Variants in SLC25A21 observed in about 807,000 individuals in gnomAD.
SLC25A21 encodes the protein solute carrier family 25 member 21.
A neutral mutation model predicts 43.8 loss-of-function variants in SLC25A21; 47 were observed. That is an observed-to-expected ratio of 1.07 (90% CI 0.85 to 1.37). The LOEUF (loss-of-function observed/expected upper bound fraction) is 1.37, where lower values mean the gene tolerates loss of function less well. Ranked by LOEUF, SLC25A21 falls within the 40% of genes most tolerant of loss-of-function variation. The pLI, the probability that SLC25A21 is intolerant of heterozygous loss-of-function variation, is 0.00. For synonymous variants in SLC25A21, 131 were observed against 121.3 expected (o/e 1.08, Z -0.52); for missense variants, 352 against 350.2 (o/e 1.00, Z -0.04).
chr14:36,782,332 T>C (rs56688011), intron 3 of SLC25A21, among the ~76,000 whole-genome samples: 63,546 of 151,996 alleles, frequency 0.42, 13,751 homozygotes, highest in East Asian at 0.7. Flanking sequence ...CTGCTTTCTC[T>C]ATCTTCTCCC....
chr14:36,852,549 C>T (rs919024062), intron 2 of SLC25A21, among the ~76,000 whole-genome samples: 1 of 151,922 alleles, frequency 6.6e-6, no homozygotes, highest in African/African-American at 2.4e-5. Context: ...ATTTCAAGGA[C>T]CAGAAAGTAA....
At chr14:36,953,542 A>G (rs1164030445) in intron 1 of SLC25A21, among the ~76,000 whole-genome samples, 1 of 152,256 alleles carries the variant, frequency 6.6e-6, no homozygotes, top group Non-Finnish European at 1.5e-5. Flanking sequence ...AACATTCAGT[A>G]GATGACAAAA....
intron 9 of SLC25A21, among the ~76,000 whole-genome samples, chr14:36,681,138 G>GA (rs1355185606): frequency 6.6e-6 from 1 of 152,180 alleles, no homozygotes; most frequent in African/African-American, 2.4e-5. Flanking sequence ...CATTCAAGAA[G>GA]AAAATCTCTA....
intron 2 of SLC25A21, among the ~76,000 whole-genome samples, chr14:36,824,156 T>G (rs1429962264): frequency 2.0e-5 from 3 of 152,176 alleles, no homozygotes; most frequent in African/African-American, 7.2e-5. Context: ...TATAGCTTAT[T>G]GAGCACTGAT....
chr14:37,075,458 A>C (rs888618519), intron 1 of SLC25A21, among the ~76,000 whole-genome samples: 1 of 152,374 alleles, frequency 6.6e-6, no homozygotes, highest in African/African-American at 2.4e-5. Flanking sequence ...GTATTGGTAC[A>C]GTATTAAAAA....
chr14:37,079,658 A>G (rs1324399661), intron 1 of SLC25A21, among the ~76,000 whole-genome samples: 1 of 152,192 alleles, frequency 6.6e-6, no homozygotes, highest in Non-Finnish European at 1.5e-5. Context: ...GACTCTTACT[A>G]TCTAGCCTGT....
intron 3 of SLC25A21, among the ~76,000 whole-genome samples, chr14:36,764,557 CAAAA>C (rs1886334942): frequency 1.6e-5 from 2 of 122,518 alleles, no homozygotes; most frequent in Non-Finnish European, 3.5e-5. Flanking sequence ...AAAGCCAAAA[CAAAA>C]CAAAACAAAA....
chr14:36,883,760 G>A (rs1383266769), intron 1 of SLC25A21, among the ~76,000 whole-genome samples: 1 of 151,992 alleles, frequency 6.6e-6, no homozygotes, highest in Non-Finnish European at 1.5e-5. Context: ...TACCGAAAAG[G>A]AACTTCCAAT....
chr14:36,845,361 G>C (rs1889509179), intron 2 of SLC25A21, among the ~76,000 whole-genome samples: 1 of 152,098 alleles, frequency 6.6e-6, no homozygotes. Context: ...AAACTGGATT[G>C]AAAGATACAA....
At chr14:36,956,376 C>A (rs1483085047) in intron 1 of SLC25A21, among the ~76,000 whole-genome samples, 1 of 152,072 alleles carries the variant, frequency 6.6e-6, no homozygotes, top group South Asian at 2.1e-4. Flanking sequence ...TCTAATAAAA[C>A]CTCTCGTAGA....
chr14:37,124,402 A>C (rs1963262089), intron 1 of SLC25A21, among the ~76,000 whole-genome samples: 1 of 152,098 alleles, frequency 6.6e-6, no homozygotes, highest in African/African-American at 2.4e-5. Flanking sequence ...CAGTTCTGTA[A>C]ACAGAAGATC....
At chr14:36,696,820 T>C (rs1883046090) in intron 7 of SLC25A21, among the ~76,000 whole-genome samples, 1 of 152,216 alleles carries the variant, frequency 6.6e-6, no homozygotes, top group African/African-American at 2.4e-5. Context: ...TTAGTCTTGC[T>C]AGCCGTACAT....
chr14:37,043,738 T>A (rs972964473), intron 1 of SLC25A21, among the ~76,000 whole-genome samples: 1 of 152,010 alleles, frequency 6.6e-6, no homozygotes, highest in East Asian at 1.9e-4. Context: ...CCCATTCTTT[T>A]TTTGTTTTGT....
At chr14:37,027,252 T>A (rs1566825472) in intron 1 of SLC25A21, among the ~76,000 whole-genome samples, 1 of 111,914 alleles carries the variant, frequency 8.9e-6, no homozygotes, top group Non-Finnish European at 1.7e-5. Context: ...AGCTAATACA[T>A]CTATTATCTA....
At chr14:36,923,696 C>G (rs1892043611) in intron 1 of SLC25A21, among the ~76,000 whole-genome samples, 1 of 152,134 alleles carries the variant, frequency 6.6e-6, no homozygotes, top group African/African-American at 2.4e-5. Context: ...CCTTCCATAT[C>G]CATGGGTTCG....
chr14:36,894,277 A>C (rs2138587315), intron 1 of SLC25A21, among the ~76,000 whole-genome samples: 1 of 152,250 alleles, frequency 6.6e-6, no homozygotes, highest in South Asian at 2.1e-4. Flanking sequence ...TTGGATTTCT[A>C]GGTATTTTAT....
intron 3 of SLC25A21, among the ~76,000 whole-genome samples, chr14:36,806,432 A>G (rs1888043912): frequency 6.6e-6 from 1 of 152,130 alleles, no homozygotes; most frequent in African/African-American, 2.4e-5. Flanking sequence ...TCTGTTAATT[A>G]CTTTGATTTC....
At chr14:36,965,315 C>G (rs906989051) in intron 1 of SLC25A21, among the ~76,000 whole-genome samples, 1 of 152,094 alleles carries the variant, frequency 6.6e-6, no homozygotes, top group African/African-American at 2.4e-5. Context: ...ATCTTTCACA[C>G]TCCACTAAAT....
At chr14:36,700,580 T>C (rs1285559234) in intron 7 of SLC25A21, among the ~76,000 whole-genome samples, 1 of 152,124 alleles carries the variant, frequency 6.6e-6, no homozygotes, top group Non-Finnish European at 1.5e-5. Context: ...GCATGGGCCC[T>C]GGGGTCAGAT....
Sources: allele counts gnomAD v4.1 joint callset (sites outside exome capture counted in the v4.1 genomes callset), GRCh38; gene constraint gnomAD v4.1.1; transcripts MANE v1.5; gene names NCBI Gene and HGNC (gene_info 2026-07-23, HGNC 2026-07-21).